The following MIS18A variants were observed in gnomAD, a reference collection of about 807,000 sequenced individuals.
The protein encoded by MIS18A is protein Mis18-alpha.
In MIS18A, 14 loss-of-function variants were observed where a neutral mutation model predicts 25.0. The observed-to-expected ratio is 0.56, with a 90% CI of 0.37 to 0.88. The LOEUF (loss-of-function observed/expected upper bound fraction) is 0.88, where lower values mean the gene tolerates loss of function less well. Ranked by LOEUF, MIS18A falls within the 40% of genes least tolerant of loss-of-function variation. The probability of loss-of-function intolerance (pLI) is 0.00; values close to 1 mark genes in which losing one functional copy is unlikely to be tolerated. For synonymous variants in MIS18A, 134 were observed against 118.6 expected (o/e 1.13, Z -0.84); for missense variants, 292 against 290.8 (o/e 1.00, Z -0.03).
At chr21:32,245,469 C>A in the MIS18A span, among the ~76,000 whole-genome samples, 1 of 152,178 alleles carries the variant, frequency 6.6e-6, no homozygotes, top group Admixed American at 6.5e-5. Flanking sequence ...AGTCAAAATT[C>A]TCTGCATTAT....
chr21:32,181,253 C>T, the MIS18A span, among the ~76,000 whole-genome samples: 5 of 152,176 alleles, frequency 3.3e-5, no homozygotes, highest in Non-Finnish European at 7.4e-5. Flanking sequence ...GGAACCTACA[C>T]CACACTCTCC....
At chr21:32,184,204 T>C in the MIS18A span, among the ~76,000 whole-genome samples, 2 of 152,188 alleles carry the variant, frequency 1.3e-5, no homozygotes, top group Non-Finnish European at 2.9e-5. Flanking sequence ...ATTATGTAGA[T>C]TCTGTTACTG....
the MIS18A span, among the ~76,000 whole-genome samples, chr21:32,156,968 A>T: frequency 1.3e-5 from 2 of 151,584 alleles, no homozygotes; most frequent in African/African-American, 4.8e-5. Context: ...TTATAGGGAG[A>T]TTTGGGCAGT....
downstream of MIS18A, chr21:32,268,070 C>G (rs924617235): frequency 2.6e-5 from 4 of 152,276 alleles, no homozygotes; most frequent in African/African-American, 9.7e-5. Flanking sequence ...CTCACTCACA[C>G]CCAGAAACAA....
chr21:32,263,882 C>T (rs2031551275), downstream of MIS18A, among the ~76,000 whole-genome samples: 1 of 150,578 alleles, frequency 6.6e-6, no homozygotes, highest in Non-Finnish European at 1.5e-5. Flanking sequence ...TTTCAAGCTA[C>T]CAACAGTTTA....
chr21:32,199,393 G>A, the MIS18A span, among the ~76,000 whole-genome samples: 34 of 151,392 alleles, frequency 2.2e-4, no homozygotes, highest in Admixed American at 8.6e-4. Flanking sequence ...TGTTACACTT[G>A]GGTTGAAAAA....
the MIS18A span, among the ~76,000 whole-genome samples, chr21:32,223,488 A>G: frequency 6.6e-6 from 1 of 152,158 alleles, no homozygotes; most frequent in Non-Finnish European, 1.5e-5. Context: ...CCATCAGAGA[A>G]TACTATAAAC....
At chr21:32,237,780 T>C in the MIS18A span, among the ~76,000 whole-genome samples, 2 of 152,252 alleles carry the variant, frequency 1.3e-5, no homozygotes, top group South Asian at 4.1e-4. Flanking sequence ...AATTATTTTA[T>C]TGTTAACATA....
At chr21:32,240,652 T>C in the MIS18A span, among the ~76,000 whole-genome samples, 166 of 152,316 alleles carry the variant, frequency 1.1e-3, no homozygotes, top group African/African-American at 3.8e-3. Flanking sequence ...TAAATAAGAC[T>C]TGGATGTACA....
the MIS18A span, among the ~76,000 whole-genome samples, chr21:32,199,372 C>A: frequency 2.0e-5 from 3 of 151,776 alleles, no homozygotes; most frequent in African/African-American, 7.3e-5. Context: ...TTACTTCTTC[C>A]ATTTGAATCC....
the MIS18A span, among the ~76,000 whole-genome samples, chr21:32,202,552 C>G: frequency 2.6e-4 from 39 of 152,146 alleles, no homozygotes; most frequent in Admixed American, 2.6e-3. Flanking sequence ...TATTGTTGTG[C>G]AACCATCACC....
chr21:32,176,817 GA>G, the MIS18A span, among the ~76,000 whole-genome samples: 11 of 150,932 alleles, frequency 7.3e-5, no homozygotes, highest in African/African-American at 2.4e-4. Flanking sequence ...AAAAAAAAGT[GA>G]AAGAAGAAAT....
chr21:32,162,616 C>G, the MIS18A span, among the ~76,000 whole-genome samples: 1 of 152,150 alleles, frequency 6.6e-6, no homozygotes, highest in South Asian at 2.1e-4. Context: ...AGCTCTTACT[C>G]TCTAATCAGA....
At chr21:32,193,349 C>G in the MIS18A span, among the ~76,000 whole-genome samples, 4 of 152,208 alleles carry the variant, frequency 2.6e-5, no homozygotes, top group East Asian at 5.8e-4. Flanking sequence ...CAGATATGCA[C>G]AGCTAGATCC....
chr21:32,197,256 ATTACCCT>A, the MIS18A span, among the ~76,000 whole-genome samples: 33 of 151,992 alleles, frequency 2.2e-4, no homozygotes, highest in African/African-American at 7.5e-4. Flanking sequence ...TCAAAAAGAC[ATTACCCT>A]TTGGTAGTTC....
At chr21:32,272,176 C>A (rs1013983280) in intron 2 of MIS18A, among the ~76,000 whole-genome samples, 3 of 152,158 alleles carry the variant, frequency 2.0e-5, no homozygotes, top group Non-Finnish European at 4.4e-5. Flanking sequence ...GAAGGCAGTG[C>A]CAATAATCGT....
At chr21:32,258,863 TTTATTTATTTATTTACTTAC>T in the MIS18A span, among the ~76,000 whole-genome samples, 1,935 of 126,416 alleles carry the variant, frequency 0.015, 38 homozygotes, top group African/African-American at 0.061. Flanking sequence ...TATTTATTTA[TTTATTTATTTATTTACTTAC>T]TTACTTACTT....
chr21:32,267,347 T>C (rs561939728), downstream of MIS18A, among the ~76,000 whole-genome samples: 1 of 152,298 alleles, frequency 6.6e-6, no homozygotes, highest in East Asian at 1.9e-4. Context: ...TAACTTCATG[T>C]GAAGAACCCT....
At chr21:32,164,049 A>G in the MIS18A span, among the ~76,000 whole-genome samples, 1 of 152,124 alleles carries the variant, frequency 6.6e-6, no homozygotes, top group Non-Finnish European at 1.5e-5. Flanking sequence ...GTGAGAACTA[A>G]GAGTAAGAAC....
Sources: allele counts gnomAD v4.1 joint callset (sites outside exome capture counted in the v4.1 genomes callset), GRCh38; gene constraint gnomAD v4.1.1; transcripts MANE v1.5; gene names NCBI Gene and HGNC (gene_info 2026-07-23, HGNC 2026-07-21).